FBXO17: variants seen among roughly 807,000 people sequenced by gnomAD.
FBXO17 encodes F-box only protein 17.
A neutral mutation model predicts 34.1 loss-of-function variants in FBXO17; 43 were observed. The ratio of observed to expected loss-of-function variants is 1.26; its 90% CI spans 0.99 to 1.62. The LOEUF is 1.62. FBXO17 is among the 40% of genes most tolerant of loss of function. FBXO17 has a pLI of 0.00. For missense variants in FBXO17, 424 were observed against 386.7 expected (o/e 1.10, Z -0.81); for synonymous variants, 169 against 166.0 (o/e 1.02, Z -0.14).
At chr19:38,949,739 C>A in intron 2 of FBXO17, 1 of 589,148 alleles carries the variant, frequency 1.7e-6, no homozygotes, top group South Asian at 2.2e-5. Context: ...CTCCCCCGGC[C>A]CAGCCAGGGT....
intron 1 of FBXO17, among the ~76,000 whole-genome samples, chr19:38,967,441 A>G (rs1195943611): frequency 6.6e-6 from 1 of 152,180 alleles, no homozygotes; most frequent in Non-Finnish European, 1.5e-5. Flanking sequence ...ACTCCATCTC[A>G]AAAAAATAAA....
Position 38,942,877 on chromosome 19 carries a change from T to A in FBXO17, c.694-126A>T, listed in dbSNP as rs1974914001. ...CGCTAGTTTGCTGGGGACGGAGCAG[T>A]GAATAAAACCGGAAAAGGACCCCGC... On this transcript the variant is annotated intron_variant, in intron 5 of 5. Coordinates refer to ENST00000292852, the MANE Select transcript of FBXO17 (RefSeq NM_024907.7). The A allele has an allele frequency of 1.5e-5, 18 of 1,207,402 alleles. 1 individual carries two copies. The South Asian group carries it at 3.0e-4, about 20-fold the overall frequency. The allele number at this position is 1,207,402 out of a possible 1,614,324, so 74.8% of individuals were successfully genotyped here. A position where few individuals can be genotyped will look rare whatever the true frequency, so the allele number is the denominator to read the frequency against.
chr19:38,948,526 C>T (rs752142963), intron 3 of FBXO17, 41 bp downstream of exon 3: 1 of 1,537,566 alleles, frequency 6.5e-7, no homozygotes, highest in Admixed American at 1.8e-5. Flanking sequence ...TCTTTGGGGC[C>T]TTTGCCCCAG....
rs140668838 is a variant in FBXO17, at chr19:38,958,828, G to A, written c.-17-8492C>T. ...GGGTCCACATTCCTCCCCTGGGCAC[G>A]TGCAGGCTTTTGCAACTGCCTCAAC... On this transcript the variant is annotated intron_variant, in intron 1 of 5. Coordinates refer to ENST00000292852, the MANE Select transcript of FBXO17 (RefSeq NM_024907.7). 5.2e-3 allele frequency among the ~76,000 whole-genome samples: 791 copies of A among 152,240 alleles called. 7 individuals are homozygous for A. Among genetic ancestry groups the A allele is most frequent in the African/African-American group, 0.017 (710 of 41,544 alleles).
At position 38,950,180 on chromosome 19, in the gene FBXO17, C is replaced by T; in HGVS notation, c.140G>A (p.Arg47His). 1.9e-6 allele frequency: 3 copies of T among 1,559,090 alleles called. No homozygotes were observed. The highest frequency in any genetic ancestry group is 2.7e-5 in the African/African-American group (2 of 73,320). ...SLVTRCRPVCRAWRDIVDGPT... is the reference protein window; with the variant it reads ...SLVTRCRPVCHAWRDIVDGPT... ...CCCGTCCACTATGTCGCGCCAGGCG[C>T]GGCACACTGGGCGGCATCGCGTGAC... is the stretch of plus-strand genomic sequence containing the variant. Residue 47 changes from arginine (R) to histidine (H), a missense_variant, in exon 2 of 6, where the codon CGC (arginine) becomes CAC (histidine). Transcript: ENST00000292852.
chr19:38,946,743 G>T, intron 3 of FBXO17, 176 bp from the exon 4 acceptor site: 2 of 892,918 alleles, frequency 2.2e-6, no homozygotes, highest in East Asian at 2.7e-5. Context: ...TGGCCTCTTG[G>T]AGTCCCTTTG....
intron 1 of FBXO17, among the ~76,000 whole-genome samples, chr19:38,971,179 C>G (rs1384235997): frequency 6.6e-6 from 1 of 151,854 alleles, no homozygotes; most frequent in Non-Finnish European, 1.5e-5. Context: ...TGATGGACCT[C>G]TAATAACCCC....
chr19:38,949,112 T>A (rs1975031888), intron 2 of FBXO17, among the ~76,000 whole-genome samples: 1 of 151,930 alleles, frequency 6.6e-6, no homozygotes, highest in Non-Finnish European at 1.5e-5. Flanking sequence ...TTTTTTAATT[T>A]TTTTTTGAGA....
chr19:38,942,982 G>A (rs1974915609), intron 5 of FBXO17, among the ~76,000 whole-genome samples: 1 of 152,230 alleles, frequency 6.6e-6, no homozygotes, highest in Non-Finnish European at 1.5e-5. Flanking sequence ...ATTCTGCCAG[G>A]AAGGTGGCAG....
chr19:38,958,105 CAAA>C (rs74920933), intron 1 of FBXO17, among the ~76,000 whole-genome samples: 9 of 100,222 alleles, frequency 9.0e-5, no homozygotes, highest in Admixed American at 2.2e-4. Context: ...GATCCTGCCT[CAAA>C]AAAAAAAAAA....
chr19:38,943,752 G>C (rs1974929651), intron 5 of FBXO17, among the ~76,000 whole-genome samples: 1 of 152,060 alleles, frequency 6.6e-6, no homozygotes, highest in Admixed American at 6.6e-5. Flanking sequence ...CACCGTGCCT[G>C]GCTAATTTGT....
At chr19:38,969,150 T>C (rs557783645) in intron 1 of FBXO17, among the ~76,000 whole-genome samples, 11 of 152,004 alleles carry the variant, frequency 7.2e-5, no homozygotes, top group African/African-American at 2.4e-4. Flanking sequence ...ACCTTGACAA[T>C]GTAAAAGCAA....
chr19:38,950,424 G>A, intron 1 of FBXO17, 88 bp from the exon 2 acceptor site: 1 of 1,375,788 alleles, frequency 7.3e-7, no homozygotes, highest in Non-Finnish European at 9.3e-7. Context: ...GGCCCCTGCT[G>A]CTCGAGAGAC....
At chr19:38,947,812 C>T (rs1351889818) in intron 3 of FBXO17, among the ~76,000 whole-genome samples, 1 of 151,978 alleles carries the variant, frequency 6.6e-6, no homozygotes, top group Admixed American at 6.6e-5. Context: ...GATCCTCCCA[C>T]TTCGGCCTCC....
intron 1 of FBXO17, among the ~76,000 whole-genome samples, chr19:38,969,983 C>A (rs1197492897): frequency 6.6e-6 from 1 of 152,012 alleles, no homozygotes; most frequent in Non-Finnish European, 1.5e-5. Flanking sequence ...AAAACACATA[C>A]AAGAATATTC....
At chr19:38,950,890 C>T (rs1032528348) in intron 1 of FBXO17, among the ~76,000 whole-genome samples, 14 of 152,110 alleles carry the variant, frequency 9.2e-5, no homozygotes, top group Middle Eastern at 3.2e-3. Context: ...TTCCTGGGTT[C>T]AAGCGATTCT....
chr19:38,960,303 T>A (rs201392649), intron 1 of FBXO17, among the ~76,000 whole-genome samples: 3 of 134,302 alleles, frequency 2.2e-5, no homozygotes, highest in Admixed American at 1.5e-4. Context: ...TTTTTTTTTT[T>A]ATGGCTCTGG....
intron 1 of FBXO17, among the ~76,000 whole-genome samples, chr19:38,962,828 T>C (rs1043696338): frequency 1.3e-5 from 2 of 151,930 alleles, no homozygotes; most frequent in African/African-American, 4.8e-5. Flanking sequence ...ACTATTCTCC[T>C]GCCTCAGCCT....
chr19:38,968,804 A>AT (rs1163758247), intron 1 of FBXO17, among the ~76,000 whole-genome samples: 1 of 152,222 alleles, frequency 6.6e-6, no homozygotes, highest in Non-Finnish European at 1.5e-5. Flanking sequence ...AAAAGGACAC[A>AT]TATTATATGA....
Sources: allele counts gnomAD v4.1 joint callset (sites outside exome capture counted in the v4.1 genomes callset), GRCh38; gene constraint gnomAD v4.1.1; transcripts MANE v1.5; gene names NCBI Gene and HGNC (gene_info 2026-07-23, HGNC 2026-07-21).